TTC7A: variants seen among roughly 807,000 people sequenced by gnomAD.
TTC7A encodes the protein tetratricopeptide repeat domain 7A.
In TTC7A, 110 loss-of-function variants were observed where a neutral mutation model predicts 103.7. The observed-to-expected ratio is 1.06, with a 90% CI of 0.91 to 1.24. The LOEUF (loss-of-function observed/expected upper bound fraction) is 1.24, where lower values mean the gene tolerates loss of function less well. Among genes scored for constraint, TTC7A ranks in the 50% most tolerant of loss-of-function variants. The pLI, the probability that TTC7A is intolerant of heterozygous loss-of-function variation, is 0.00. For missense variants in TTC7A, 1,340 were observed against 1,116.3 expected (o/e 1.20, Z -2.86); for synonymous variants, 521 against 467.9 (o/e 1.11, Z -1.47).
At chr2:46,986,305 G>C in intron 5 of TTC7A, among the ~76,000 whole-genome samples, 2 of 152,298 alleles carry the variant, frequency 1.3e-5, no homozygotes, top group Admixed American at 1.3e-4. Context: ...TTACTACCCC[G>C]TGAGGGGAGT....
rs538603173 is a variant in TTC7A, at chr2:47,007,983, G to A, written c.1287+1259G>A. Reference sequence around the variant, plus strand: ...AACTGCAGGCAAAGGAGACAATGTGGGCAACGGTGAAGGGGCTGGAAAAGA... The same window carrying A: ...AACTGCAGGCAAAGGAGACAATGTGAGCAACGGTGAAGGGGCTGGAAAAGA... On this transcript the variant is annotated intron_variant, in intron 10 of 19. Coordinates refer to ENST00000319190, the MANE Select transcript of TTC7A (RefSeq NM_020458.4). The surrounding 1 kb of genome is among the most constrained non-coding windows in gnomAD (Gnocchi z 4.9). Among the ~76,000 whole-genome samples, 1 of 152,332 alleles carries A rather than the reference G, an allele frequency of 6.6e-6. No individual in the cohort carries two copies. Among genetic ancestry groups the A allele is most frequent in the Admixed American group, 6.5e-5 (1 of 15,300 alleles).
chr2:46,989,799 CGTGT>C (rs751395843), intron 5 of TTC7A, among the ~76,000 whole-genome samples: 7 of 144,122 alleles, frequency 4.9e-5, no homozygotes, highest in East Asian at 2.1e-4. Context: ...TCTTTAATTG[CGTGT>C]GTGTGTGTGT....
Position 46,950,399 on chromosome 2 carries a change from T to C in TTC7A, c.221T>C (p.Leu74Pro). 1.2e-6 allele frequency: 2 copies of C among 1,614,178 alleles called. No individual in the cohort carries two copies. The highest frequency in any genetic ancestry group is 1.1e-5 in the South Asian group (1 of 91,084). Reference protein sequence around the residue: ...FGKLLLAEALLEQCLKENHAK... With the variant: ...FGKLLLAEALPEQCLKENHAK... Reference sequence around the variant, plus strand: ...AAATTGCTGCTGGCTGAGGCCCTCCTGGAGCAGTGTTTGAAGGAGAACCAT... The same window carrying C: ...AAATTGCTGCTGGCTGAGGCCCTCCCGGAGCAGTGTTTGAAGGAGAACCAT... The change falls in exon 2 of 20, where the codon CTG (leucine) becomes CCG (proline). Residue 74 changes from leucine to proline, a missense_variant. Transcript: ENST00000319190.
chr2:47,041,095 A>G (rs72808515), intron 15 of TTC7A, among the ~76,000 whole-genome samples: 14,637 of 151,852 alleles, frequency 0.096, 757 homozygotes, highest in Non-Finnish European at 0.12. Context: ...CCCCCACCCC[A>G]GTCAGGAGGA....
chr2:46,920,289 GTT>G (rs1376167611), intron 2 of TTC7A, among the ~76,000 whole-genome samples: 1 of 151,988 alleles, frequency 6.6e-6, no homozygotes, highest in Non-Finnish European at 1.5e-5. Context: ...GTTGTTTGGA[GTT>G]TTTGACATTA....
intron 19 of TTC7A, among the ~76,000 whole-genome samples, chr2:47,063,816 C>G (rs1374538041): frequency 6.6e-6 from 1 of 152,232 alleles, no homozygotes; most frequent in East Asian, 1.9e-4. Context: ...GTCCCACTCC[C>G]TGAGGTCTGG....
At chr2:47,066,186 A>G (rs181509875) in intron 19 of TTC7A, 1 of 152,354 alleles carries the variant, frequency 6.6e-6, no homozygotes, top group East Asian at 1.9e-4. Context: ...TCTTGATGAC[A>G]GAGTGACGAT....
chr2:46,960,065 T>C (rs565270882), intron 3 of TTC7A, among the ~76,000 whole-genome samples: 1 of 152,336 alleles, frequency 6.6e-6, no homozygotes. Context: ...CCTGGTCCCC[T>C]AACATTTGAG....
At chr2:46,975,255 C>T in intron 4 of TTC7A, 152 bp downstream of exon 4, 2 of 1,002,250 alleles carry the variant, frequency 2.0e-6, no homozygotes, top group South Asian at 1.6e-5. Flanking sequence ...TTGGAAAACT[C>T]ATTATAGTAT....
At chr2:47,008,556 G>GC (rs1344149190) in intron 10 of TTC7A, among the ~76,000 whole-genome samples, 1 of 152,196 alleles carries the variant, frequency 6.6e-6, no homozygotes, top group Non-Finnish European at 1.5e-5. Flanking sequence ...TTGGCCAGTT[G>GC]CCCATGCATG....
At chr2:46,926,367 G>C (rs1403248768) in intron 2 of TTC7A, among the ~76,000 whole-genome samples, 2 of 152,174 alleles carry the variant, frequency 1.3e-5, no homozygotes, top group African/African-American at 2.4e-5. Flanking sequence ...AGTCTAGATG[G>C]GGAGAGAATG....
At chr2:46,971,207 T>C (rs764609382) in intron 3 of TTC7A, among the ~76,000 whole-genome samples, 6 of 152,140 alleles carry the variant, frequency 3.9e-5, no homozygotes, top group African/African-American at 7.2e-5. Flanking sequence ...CAAATAAGTA[T>C]AAGAAATGGT....
intron 15 of TTC7A, among the ~76,000 whole-genome samples, chr2:47,032,536 G>A (rs143583683): frequency 1.8e-3 from 269 of 152,276 alleles, no homozygotes; most frequent in Non-Finnish European, 2.9e-3. Context: ...GCAGACTTTC[G>A]TTCCATGCCC....
At chr2:47,009,576 G>GGT (rs1677797118) in intron 10 of TTC7A, among the ~76,000 whole-genome samples, 1 of 152,114 alleles carries the variant, frequency 6.6e-6, no homozygotes, top group African/African-American at 2.4e-5. Context: ...AGGGAGGCGG[G>GGT]GTGTCCAGGG....
At chr2:46,989,015 C>T (rs1675331934) in intron 5 of TTC7A, among the ~76,000 whole-genome samples, 1 of 152,216 alleles carries the variant, frequency 6.6e-6, no homozygotes, top group Admixed American at 6.5e-5. Context: ...GCCTGTCTCC[C>T]TCACCAGCCT....
Position 46,968,139 on chromosome 2 carries a change from A to G in TTC7A, c.518-6834A>G, listed in dbSNP as rs1026487865. On this transcript the variant is annotated intron_variant, in intron 3 of 19. Transcript: ENST00000319190. ...GGATGTGATGAGTCATTCAGACTGA[A>G]GGAGTTGGGACCAGCCTGGTGTTGG... Among the ~76,000 whole-genome samples, 5 of 152,220 alleles carry G rather than the reference A, an allele frequency of 3.3e-5. No homozygotes were observed. In the East Asian group the frequency reaches 9.6e-4, roughly 29 times the overall value.
chr2:47,060,321 G>T (rs1683660903), intron 18 of TTC7A, among the ~76,000 whole-genome samples: 1 of 152,106 alleles, frequency 6.6e-6, no homozygotes, highest in South Asian at 2.1e-4. Flanking sequence ...AGTGAGCTGA[G>T]ATCGCGCCAC....
At chr2:47,008,140 G>A (rs1356398503) in intron 10 of TTC7A, among the ~76,000 whole-genome samples, 1 of 152,166 alleles carries the variant, frequency 6.6e-6, no homozygotes, top group African/African-American at 2.4e-5. Flanking sequence ...CAGTGGCATG[G>A]GCAGGTTCTT....
intron 3 of TTC7A, among the ~76,000 whole-genome samples, chr2:46,964,365 G>C (rs1189903597): frequency 6.6e-6 from 1 of 152,182 alleles, no homozygotes; most frequent in African/African-American, 2.4e-5. Context: ...TGTGTGGGAT[G>C]GATTGGGAAT....
Sources: allele counts gnomAD v4.1 joint callset (sites outside exome capture counted in the v4.1 genomes callset), GRCh38; gene constraint gnomAD v4.1.1; non-coding constraint Gnocchi (gnomAD v3.1); transcripts MANE v1.5; gene names NCBI Gene and HGNC (gene_info 2026-07-23, HGNC 2026-07-21).